The following RIC3 variants were observed in gnomAD, a reference collection of about 807,000 sequenced individuals.
The protein encoded by RIC3 is RIC3 acetylcholine receptor chaperone, also known as protein RIC-3.
A neutral mutation model predicts 27.3 loss-of-function variants in RIC3; 28 were observed. The ratio of observed to expected loss-of-function variants is 1.02; its 90% CI spans 0.76 to 1.41. The LOEUF (loss-of-function observed/expected upper bound fraction) is 1.41, where lower values mean the gene tolerates loss of function less well. Ranked by LOEUF, RIC3 falls within the 40% of genes most tolerant of loss-of-function variation. The pLI is 0.00. For synonymous variants in RIC3, 184 were observed against 160.4 expected (o/e 1.15, Z -1.11); for missense variants, 501 against 444.7 (o/e 1.13, Z -1.14).
chr11:8,094,347 G>A, the RIC3 span, among the ~76,000 whole-genome samples: 2 of 152,154 alleles, frequency 1.3e-5, no homozygotes, highest in African/African-American at 4.8e-5. Flanking sequence ...TGGCTCACAG[G>A]CCTCATCTAG....
intron 4 of RIC3, among the ~76,000 whole-genome samples, chr11:8,131,293 G>A (rs1044303694): frequency 1.3e-5 from 2 of 152,172 alleles, no homozygotes; most frequent in Admixed American, 1.3e-4. Flanking sequence ...AAGACATGGT[G>A]ATTGATGAGA....
Position 8,151,770 on chromosome 11 carries a change from C to G in RIC3, c.125-11577G>C, listed in dbSNP as rs184008520. On this transcript the variant is annotated intron_variant, in intron 1 of 5. Transcript: ENST00000309737. ...CTCTACTAAAAATACAAAAAAATTA[C>G]ATGGGCGTGGTGGTGCATGCCTGTA... Among the ~76,000 whole-genome samples, 969 of 150,362 alleles carry G rather than the reference C, an allele frequency of 6.4e-3. 22 individuals are homozygous for G. The highest frequency in any genetic ancestry group is 0.052 in the Admixed American group (781 of 15,038).
intron 1 of RIC3, chr11:8,153,425 T>C (rs779308269): frequency 4.4e-6 from 2 of 453,246 alleles, no homozygotes; most frequent in African/African-American, 4.0e-5. Context: ...CTTAGTTTTC[T>C]GCAATACAAA....
chr11:8,161,126 G>A (rs1404609252), intron 1 of RIC3, among the ~76,000 whole-genome samples: 1 of 152,206 alleles, frequency 6.6e-6, no homozygotes, highest in Non-Finnish European at 1.5e-5. Context: ...TAGAGGAATA[G>A]TCAATTATGT....
At chr11:8,147,719 G>GT (rs1565088502) in intron 1 of RIC3, among the ~76,000 whole-genome samples, 2 of 149,104 alleles carry the variant, frequency 1.3e-5, no homozygotes, top group Non-Finnish European at 3.0e-5. Context: ...TAGAACTTGC[G>GT]TAAGATTTTT....
intron 2 of RIC3, 51 bp from the exon 3 acceptor site, chr11:8,138,398 C>T: frequency 8.6e-7 from 1 of 1,160,328 alleles, no homozygotes; most frequent in South Asian, 1.3e-5. Context: ...GAACCTCAGT[C>T]ACGGAACCCC....
At chr11:8,095,629 A>G in the RIC3 span, 7 of 1,609,262 alleles carry the variant, frequency 4.3e-6, no homozygotes, top group Non-Finnish European at 5.9e-6. Context: ...CGAACGGCCC[A>G]GCGGGCAGGA....
chr11:8,123,174 C>A, intron 5 of RIC3, among the ~76,000 whole-genome samples: 1 of 151,054 alleles, frequency 6.6e-6, no homozygotes, highest in Non-Finnish European at 1.5e-5. Context: ...AAAAACTATT[C>A]AAAACTAAGC....
chr11:8,147,547 G>T (rs963053330), intron 1 of RIC3, among the ~76,000 whole-genome samples: 1 of 152,118 alleles, frequency 6.6e-6, no homozygotes, highest in Non-Finnish European at 1.5e-5. Flanking sequence ...ATACGGCAAA[G>T]AAATATATTT....
At chr11:8,094,070 G>A in the RIC3 span, 2 of 1,614,202 alleles carry the variant, frequency 1.2e-6, no homozygotes, top group Non-Finnish European at 1.7e-6. Flanking sequence ...TCACTCGCCA[G>A]TGTGCAGCTG....
chr11:8,121,576 C>T (rs111855728), intron 5 of RIC3, among the ~76,000 whole-genome samples: 9,520 of 152,026 alleles, frequency 0.063, 352 homozygotes, highest in South Asian at 0.11. Context: ...ATTAGCTGGG[C>T]ATGGTGGCAC....
At chr11:8,117,148 A>G (rs1945936948) in intron 5 of RIC3, among the ~76,000 whole-genome samples, 1 of 152,192 alleles carries the variant, frequency 6.6e-6, no homozygotes, top group Non-Finnish European at 1.5e-5. Context: ...AGCTCACTGC[A>G]GTCTCCACCT....
chr11:8,095,288 A>T, the RIC3 span, among the ~76,000 whole-genome samples: 1 of 152,176 alleles, frequency 6.6e-6, no homozygotes, highest in Non-Finnish European at 1.5e-5. Flanking sequence ...AATTTGGGGG[A>T]AGAGCAGAAG....
At position 8,164,781 on chromosome 11, in the gene RIC3, CAAA is replaced by C. The variant is rs199958835; in HGVS notation, c.124+4082_124+4084del. On this transcript the variant is annotated intron_variant, in intron 1 of 5. Transcript: ENST00000309737. ...CACCAGAGTGAGACCCTGTCTCTCT[CAAA>C]AAAAAAAAAAAAAAAAAAAAAAAGA... is the stretch of plus-strand genomic sequence containing the variant. Among the ~76,000 whole-genome samples the C allele has an allele frequency of 4.6e-3, 390 of 84,134 alleles. 2 individuals carry two copies. Among genetic ancestry groups the C allele is most frequent in the African/African-American group, 0.013 (349 of 26,152 alleles). The allele number at this position is 84,134 out of a possible 152,430, so 55.2% of individuals were successfully genotyped here. A position where few individuals can be genotyped will look rare whatever the true frequency, so the allele number is the denominator to read the frequency against.
chr11:8,093,999 C>T, the RIC3 span: 3 of 1,613,014 alleles, frequency 1.9e-6, no homozygotes, highest in South Asian at 2.2e-5. Context: ...TCTGGTCTCA[C>T]CCACTGCCTG....
chr11:8,128,181 T>C, intron 4 of RIC3: 1 of 457,244 alleles, frequency 2.2e-6, no homozygotes, highest in African/African-American at 2.0e-5. Context: ...AACAACCCAC[T>C]TTGTGTGAGG....
At chr11:8,128,435 T>G (rs1947247939) in intron 4 of RIC3, 2 of 361,562 alleles carry the variant, frequency 5.5e-6, no homozygotes, top group African/African-American at 4.3e-5. Flanking sequence ...GCATCCTCAT[T>G]TCACTCTTAA....
intron 1 of RIC3, among the ~76,000 whole-genome samples, chr11:8,140,817 A>G (rs1948968089): frequency 6.6e-6 from 1 of 152,134 alleles, no homozygotes; most frequent in Non-Finnish European, 1.5e-5. Context: ...GAAAATACAG[A>G]CTAACAGCGG....
At chr11:8,161,091 T>A (rs1266149682) in intron 1 of RIC3, among the ~76,000 whole-genome samples, 1 of 152,212 alleles carries the variant, frequency 6.6e-6, no homozygotes, top group Non-Finnish European at 1.5e-5. Flanking sequence ...TGGTAATCTA[T>A]ATGTTGCAAG....
Sources: gnomAD v4.1 joint callset for allele counts (sites outside exome capture counted in the v4.1 genomes callset) on GRCh38, gnomAD v4.1.1 for gene constraint, MANE v1.5 for transcripts, NCBI Gene and HGNC (gene_info 2026-07-23, HGNC 2026-07-21) for gene names.